DAP: variants seen among roughly 807,000 people sequenced by gnomAD.
DAP encodes the protein death associated protein, also known as death-associated protein 1.
In DAP, 8 loss-of-function variants were observed where a neutral mutation model predicts 13.8. That is an observed-to-expected ratio of 0.58 (90% confidence interval 0.34 to 1.05). The LOEUF (loss-of-function observed/expected upper bound fraction) is 1.05. Among genes scored for constraint, DAP ranks in the 50% least tolerant of loss-of-function variants. The pLI, the probability that DAP is intolerant of heterozygous loss-of-function variation, is 0.03. For missense variants in DAP, 106 were observed against 133.2 expected, an observed-to-expected ratio of 0.80 and a Z score of 1.01; for synonymous variants, 47 against 47.5, an observed-to-expected ratio of 0.99 and a Z score of 0.04.
At chr5:10,740,263 C>T (rs944119683) in intron 2 of DAP, among the ~76,000 whole-genome samples, 4 of 152,074 alleles carry the variant, frequency 2.6e-5, no homozygotes, top group Admixed American at 1.3e-4. Flanking sequence ...AAAGAGTCGG[C>T]GGCAGAGAGG....
At chr5:10,685,033 T>A (rs1336335563) in intron 2 of DAP, among the ~76,000 whole-genome samples, 1 of 152,240 alleles carries the variant, frequency 6.6e-6, no homozygotes, top group East Asian at 1.9e-4. Context: ...CAGTGGTCTT[T>A]TTTAAGGAAT....
At chr5:10,719,692 T>C (rs267978) in intron 2 of DAP, among the ~76,000 whole-genome samples, 79,148 of 152,034 alleles carry the variant, frequency 0.52, 22,465 homozygotes, top group Non-Finnish European at 0.64. Context: ...ATAAATGTGA[T>C]TGGGCTTGAG....
At chr5:10,689,434 T>TAAG (rs1738242971) in intron 2 of DAP, among the ~76,000 whole-genome samples, 6 of 152,138 alleles carry the variant, frequency 3.9e-5, no homozygotes, top group Admixed American at 3.9e-4. Context: ...TTGCAGCGTC[T>TAAG]AAGAGTCCAC....
chr5:10,758,880 T>C (rs1740265261), intron 1 of DAP, among the ~76,000 whole-genome samples: 1 of 152,202 alleles, frequency 6.6e-6, no homozygotes, highest in South Asian at 2.1e-4. Context: ...GCAAGGAATT[T>C]CTCCCAGGGA....
intron 2 of DAP, among the ~76,000 whole-genome samples, chr5:10,730,460 T>C (rs1286178447): frequency 6.6e-6 from 1 of 151,398 alleles, no homozygotes; most frequent in Non-Finnish European, 1.5e-5. Flanking sequence ...AGAAGAATTT[T>C]TCTCTACTGA....
intron 2 of DAP, among the ~76,000 whole-genome samples, chr5:10,722,822 C>T (rs566786394): frequency 3.3e-5 from 5 of 152,246 alleles, no homozygotes; most frequent in African/African-American, 1.2e-4. Flanking sequence ...ACGACTGATA[C>T]TCATGCCAAA....
At chr5:10,744,371 T>C (rs1579818586) in intron 2 of DAP, among the ~76,000 whole-genome samples, 1 of 152,342 alleles carries the variant, frequency 6.6e-6, no homozygotes, top group East Asian at 1.9e-4. Flanking sequence ...TTAAGTGTTT[T>C]ATACATTCTG....
At chr5:10,723,318 G>A (rs1739206235) in intron 2 of DAP, among the ~76,000 whole-genome samples, 1 of 152,222 alleles carries the variant, frequency 6.6e-6, no homozygotes, top group African/African-American at 2.4e-5. Flanking sequence ...CCTATATATA[G>A]TCTATCCTGT....
chr5:10,702,486 C>T (rs1738605322), intron 2 of DAP, among the ~76,000 whole-genome samples: 1 of 152,138 alleles, frequency 6.6e-6, no homozygotes, highest in African/African-American at 2.4e-5. Flanking sequence ...AGCAAATGGG[C>T]CCTTCCTCCA....
At chr5:10,697,961 GA>G (rs2126643243) in intron 2 of DAP, among the ~76,000 whole-genome samples, 1 of 152,302 alleles carries the variant, frequency 6.6e-6, no homozygotes, top group African/African-American at 2.4e-5. Flanking sequence ...CATCTAGCAA[GA>G]ATCAAAGCCT....
At chr5:10,746,986 T>C (rs570288251) in intron 2 of DAP, among the ~76,000 whole-genome samples, 19 of 152,328 alleles carry the variant, frequency 1.2e-4, no homozygotes, top group African/African-American at 2.9e-4. Flanking sequence ...GCACGGTGCA[T>C]GATATGGGCA....
intron 2 of DAP, among the ~76,000 whole-genome samples, chr5:10,701,792 T>G (rs561292883): frequency 6.6e-6 from 1 of 152,290 alleles, no homozygotes; most frequent in East Asian, 1.9e-4. Context: ...CTAGCAGTGC[T>G]TTCTTTCACT....
intron 2 of DAP, among the ~76,000 whole-genome samples, chr5:10,739,658 T>C (rs776052148): frequency 1.3e-5 from 2 of 152,152 alleles, no homozygotes; most frequent in Non-Finnish European, 2.9e-5. Context: ...CAGGCATTCA[T>C]ATCCTAAGCC....
At chr5:10,742,849 T>C (rs1739794035) in intron 2 of DAP, among the ~76,000 whole-genome samples, 1 of 152,138 alleles carries the variant, frequency 6.6e-6, no homozygotes, top group South Asian at 2.1e-4. Context: ...TGAACAAAGC[T>C]AGGAAATACA....
chr5:10,714,091 G>C (rs1258602714), intron 2 of DAP, among the ~76,000 whole-genome samples: 1 of 152,226 alleles, frequency 6.6e-6, no homozygotes, highest in Non-Finnish European at 1.5e-5. Context: ...TAAAAAATGA[G>C]AGTAGACATA....
intron 2 of DAP, among the ~76,000 whole-genome samples, chr5:10,689,760 TG>T (rs1481483629): frequency 6.6e-6 from 1 of 152,166 alleles, no homozygotes; most frequent in Non-Finnish European, 1.5e-5. Context: ...GGCTGAGTGA[TG>T]GCAAGACTGA....
In DAP at chr5:10,761,146, T is replaced by A; in HGVS notation, c.-78A>T. On this transcript the variant is annotated 5_prime_UTR_variant, in exon 1 of 4. Transcript: ENST00000230895. ...GCGGGCGTGCGCGAGTGAGCTCAGG[T>A]GTGAGCGCCGGGGAGCGAGCGGGCG... is the stretch of plus-strand genomic sequence containing the variant. 1.2e-6 allele frequency: 1 copy of A among 854,628 alleles called. No individual in the cohort carries two copies. The highest frequency in any genetic ancestry group is 1.5e-6 in the Non-Finnish European group (1 of 658,256). 52.9% of individuals were successfully genotyped at this position (854,628 alleles called of 1,614,324 possible).
intron 2 of DAP, among the ~76,000 whole-genome samples, chr5:10,729,867 C>T (rs1441701375): frequency 2.0e-5 from 3 of 152,226 alleles, no homozygotes; most frequent in Non-Finnish European, 4.4e-5. Flanking sequence ...GCCTGCCTGG[C>T]GAGCTCCAGC....
chr5:10,698,087 C>T (rs952162373), intron 2 of DAP, among the ~76,000 whole-genome samples: 2 of 152,030 alleles, frequency 1.3e-5, no homozygotes, highest in Non-Finnish European at 2.9e-5. Flanking sequence ...ACCTTTCCCA[C>T]ACACAGCAAG....
Sources: allele counts gnomAD v4.1 joint callset (sites outside exome capture counted in the v4.1 genomes callset), GRCh38; gene constraint gnomAD v4.1.1; transcripts MANE v1.5; gene names NCBI Gene and HGNC (gene_info 2026-07-23, HGNC 2026-07-21).